The following JAG2 variants were observed in gnomAD, a reference collection of about 807,000 sequenced individuals.
JAG2 encodes protein jagged-2.
A neutral mutation model predicts 141.7 loss-of-function variants in JAG2; 46 were observed. The observed-to-expected ratio is 0.32, with a 90% CI of 0.26 to 0.42. The LOEUF (loss-of-function observed/expected upper bound fraction) is 0.42, where lower values mean the gene tolerates loss of function less well. JAG2 is among the 10% of genes least tolerant of loss of function. JAG2 has a pLI of 1.00. For synonymous variants in JAG2, 862 were observed against 763.5 expected (o/e 1.13, Z -2.13); for missense variants, 1,500 against 1,817.5 (o/e 0.83, Z 3.18).
In JAG2 at chr14:105,146,466, G is replaced by T; in HGVS notation, c.2628C>A (p.Gly876=). The change falls in exon 22 of 26, where the codon GGC becomes GGA. Residue 876 remains glycine (G), a synonymous_variant. Transcript: ENST00000331782. ...AGGAGCTTCCGTGTGGGAACGGAGT[G>T]CCCCGGGACCAGCAGGATCTCCCGA... ...IGFGRSCWSR[G]TPFPHGSSWV... is the part of the protein sequence containing the mutation. The T allele has an allele frequency of 1.2e-6, 2 of 1,612,780 alleles. No individual in the cohort carries two copies. Among genetic ancestry groups the T allele is most frequent in the Non-Finnish European group, 1.7e-6 (2 of 1,179,902 alleles).
chr14:105,155,173 C>T (rs1345513522), intron 5 of JAG2, among the ~76,000 whole-genome samples: 3 of 151,970 alleles, frequency 2.0e-5, no homozygotes, highest in African/African-American at 4.8e-5. Flanking sequence ...CACTGGTCTG[C>T]TCTGCCGCCC....
At chr14:105,145,375 C>A (rs1888192802) in intron 23 of JAG2, among the ~76,000 whole-genome samples, 1 of 152,178 alleles carries the variant, frequency 6.6e-6, no homozygotes, top group Admixed American at 6.5e-5. Context: ...GACAGGGGCC[C>A]AGCTCCAAGC....
intron 21 of JAG2, 39 bp from the exon 22 acceptor site, chr14:105,146,539 C>A (rs1888229639): frequency 1.2e-6 from 2 of 1,607,348 alleles, no homozygotes. Flanking sequence ...CAGTGGGCAT[C>A]TGGCCCTCGG....
intron 2 of JAG2, among the ~76,000 whole-genome samples, chr14:105,161,314 A>G (rs1888740957): frequency 6.6e-6 from 1 of 152,110 alleles, no homozygotes. Context: ...AAGCAGCAAT[A>G]GTGAGGTCAG....
At chr14:105,145,116 C>T (rs1888184817) in intron 23 of JAG2, 55 bp from the exon 24 acceptor site, 4 of 1,600,256 alleles carry the variant, frequency 2.5e-6, no homozygotes, top group Middle Eastern at 2.1e-4. Flanking sequence ...CTGACACCTA[C>T]ATCCCTGGAC....
chr14:105,143,549 G>C lies in JAG2; in HGVS notation c.3174C>G (p.Asn1058Lys), dbSNP rs1375655500. Residue 1058 changes from asparagine (N) to lysine (K), a missense_variant, in exon 25 of 26, where the codon AAC (asparagine) becomes AAG (lysine). Transcript: ENST00000331782. ...CGGTGACAGCCAGGAGCAGTGAGCT[G>C]TTCCCCCGCTGGGTGATGGCGGCCA... Reference protein sequence around the residue: ...AIVAAITQRGNSSLLLAVTEV... With the variant: ...AIVAAITQRGKSSLLLAVTEV... 6.3e-7 allele frequency: 1 copy of C among 1,596,532 alleles called. No homozygotes were observed. Among genetic ancestry groups the C allele is most frequent in the Non-Finnish European group, 8.5e-7 (1 of 1,174,434 alleles).
At position 105,151,926 on chromosome 14, in the gene JAG2, C is replaced by T. The variant is rs766667196; in HGVS notation, c.1039+12G>A. On this transcript the variant is annotated intron_variant, in intron 7 of 25. Coordinates refer to ENST00000331782, the MANE Select transcript of JAG2 (RefSeq NM_002226.5). ...GCCTGGCCAGAATTTGGGTGGCCAG[C>T]CCCCCACGTACCCTTCTCACAGTTC... The T allele has an allele frequency of 6.2e-7, 1 of 1,612,634 alleles. No individual in the cohort carries two copies. Among genetic ancestry groups the T allele is most frequent in the Non-Finnish European group, 8.5e-7 (1 of 1,179,978 alleles).
Position 105,150,891 on chromosome 14 carries a change from G to A in JAG2, c.1402C>T (p.Gln468Ter), listed in dbSNP as rs1166222349. 6.3e-7 allele frequency: 1 copy of A among 1,590,882 alleles called. No homozygotes were observed. ...TTGCAGGTGCCCCCATGCTGACACTGCCCGCGACAGTCGTTGACGTCTGGG... is the reference window on the plus strand; with the variant it reads ...TTGCAGGTGCCCCCATGCTGACACTACCCGCGACAGTCGTTGACGTCTGGG... ...CHINVNDCRG[Q>*]CQHGGTCKDL... Residue 468 changes from glutamine (Q) to a stop codon, truncating the protein, a stop_gained, in exon 11 of 26, where the codon CAG (glutamine) becomes TAG (stop). Transcript: ENST00000331782. LOFTEE classifies it high-confidence loss of function.
intron 23 of JAG2, 73 bp from the exon 24 acceptor site, chr14:105,145,134 G>T: frequency 6.3e-7 from 1 of 1,577,000 alleles, no homozygotes; most frequent in Non-Finnish European, 8.6e-7. Context: ...GACTGGCGCT[G>T]TGGGTACACG....
rs770311465 is a variant in JAG2 at position 105,146,691 on chromosome 14, T to C, written c.2513A>G (p.Tyr838Cys). The part of the protein sequence containing the change: ...IDECQSSPCA[Y>C]GATCVDEING... ...GATCTCATCCACACACGTGGCCCCG[T>C]AGGCACAGGGCGAGGACTGGCACTC... Residue 838 changes from tyrosine to cysteine, a missense_variant, in exon 21 of 26, where the codon TAC becomes TGC. By Grantham distance (194) the Tyr-to-Cys change is radical. Transcript: ENST00000331782. 1.2e-6 allele frequency: 2 copies of C among 1,612,594 alleles called. No homozygotes were observed. Among genetic ancestry groups the C allele is most frequent in the Non-Finnish European group, 1.7e-6 (2 of 1,179,842 alleles).
At chr14:105,157,658 G>A (rs750841528) in intron 3 of JAG2, 48 bp downstream of exon 3, 3 of 1,498,242 alleles carry the variant, frequency 2.0e-6, no homozygotes, top group Non-Finnish European at 2.7e-6. Flanking sequence ...CCTGCCACAG[G>A]CACGCTGAAG....
Position 105,142,667 on chromosome 14 carries a change from T to G in JAG2, c.*28A>C. The G allele has an allele frequency of 6.4e-7, 1 of 1,552,546 alleles. No homozygotes were observed. Among genetic ancestry groups the G allele is most frequent in the Non-Finnish European group, 8.8e-7 (1 of 1,142,518 alleles). Reference sequence around the variant, plus strand: ...ACGGCATGGCTCCCACCGAGGGCCCTGGGTCCCGGCCCAGCTGGCAGCCGC... The same window carrying G: ...ACGGCATGGCTCCCACCGAGGGCCCGGGGTCCCGGCCCAGCTGGCAGCCGC... On this transcript the variant is annotated 3_prime_UTR_variant, in exon 26 of 26. Transcript: ENST00000331782.
At position 105,151,392 on chromosome 14, in the gene JAG2, G is replaced by A. The variant is rs766629604; in HGVS notation, c.1158C>T (p.Ile386=). ...CACACGGGTTCGAAGCACACTCATCGATGTCTGCAGAGGGTGGAGAAAGGT... is the reference window on the plus strand; with the variant it reads ...CACACGGGTTCGAAGCACACTCATCAATGTCTGCAGAGGGTGGAGAAAGGT... ...GWSGPTCALD[I]DECASNPCAA... The change falls in exon 9 of 26, where the codon ATC becomes ATT. Residue 386 remains isoleucine, a synonymous_variant. Transcript: ENST00000331782. 69 of 1,609,950 alleles carry A rather than the reference G, an allele frequency of 4.3e-5. 1 individual carries two copies. The South Asian group carries it at 6.0e-4, about 14-fold the overall frequency.
At chr14:105,156,898 C>T (rs1195177383) in intron 3 of JAG2, among the ~76,000 whole-genome samples, 2 of 152,038 alleles carry the variant, frequency 1.3e-5, no homozygotes, top group Non-Finnish European at 2.9e-5. Context: ...ACAACTGCTG[C>T]TCCCCACCTG....
At chr14:105,150,350 C>A (rs1256053260) in intron 12 of JAG2, among the ~76,000 whole-genome samples, 4 of 152,122 alleles carry the variant, frequency 2.6e-5, no homozygotes, top group Admixed American at 6.5e-5. Context: ...GGGCAGCCAG[C>A]AGCCCGGGGG....
intron 2 of JAG2, among the ~76,000 whole-genome samples, chr14:105,162,669 GGA>G (rs1888785981): frequency 6.8e-6 from 1 of 146,320 alleles, no homozygotes; most frequent in Non-Finnish European, 1.5e-5. Flanking sequence ...TTAAAGCCCA[GGA>G]CACCTCAGGT....
intron 25 of JAG2, 53 bp downstream of exon 25, chr14:105,143,429 A>G (rs1888124468): frequency 3.9e-6 from 6 of 1,530,914 alleles, no homozygotes; most frequent in Non-Finnish European, 5.3e-6. Flanking sequence ...TCTGTGCCCA[A>G]TGCCTGAGTT....
At position 105,149,312 on chromosome 14, in the gene JAG2, G is replaced by A. The variant is rs587692038; in HGVS notation, c.1611C>T (p.Val537=). 1.9e-5 allele frequency: 31 copies of A among 1,612,622 alleles called. No individual in the cohort carries two copies. Among genetic ancestry groups the A allele is most frequent in the East Asian group, 1.8e-4 (8 of 44,882 alleles). Reference sequence around the variant, plus strand: ...GGCAGGGGCTTGGCTCACAAAGGTCGACATCCACCTGCAGGGTGGGGGGTG... The same window carrying A: ...GGCAGGGGCTTGGCTCACAAAGGTCAACATCCACCTGCAGGGTGGGGGGTG... The part of the protein sequence containing the change: ...GFSGPLCEVD[V]DLCEPSPCRN... Residue 537 remains valine, a synonymous_variant, in exon 13 of 26, where the codon GTC becomes GTT. Transcript: ENST00000331782.
intron 2 of JAG2, among the ~76,000 whole-genome samples, chr14:105,166,892 G>A (rs935530453): frequency 4.6e-5 from 7 of 152,160 alleles, no homozygotes; most frequent in Non-Finnish European, 8.8e-5. Context: ...TGACCAAGCA[G>A]GGAAGGACCT....
Sources: gnomAD v4.1 joint callset for allele counts (sites outside exome capture counted in the v4.1 genomes callset) on GRCh38, gnomAD v4.1.1 for gene constraint, MANE v1.5 for transcripts, NCBI Gene and HGNC (gene_info 2026-07-23, HGNC 2026-07-21) for gene names.